MIPEP: variants seen among roughly 807,000 people sequenced by gnomAD.
MIPEP encodes the protein mitochondrial intermediate peptidase.
A neutral mutation model predicts 90.3 loss-of-function variants in MIPEP; 79 were observed. That is an observed-to-expected ratio of 0.87 (90% CI 0.73 to 1.05). The LOEUF (loss-of-function observed/expected upper bound fraction) is 1.05. Ranked by LOEUF, MIPEP falls within the 50% of genes least tolerant of loss-of-function variation. The pLI is 0.00. For synonymous variants in MIPEP, 334 were observed against 315.8 expected (o/e 1.06, Z -0.61); for missense variants, 940 against 905.6 (o/e 1.04, Z -0.49).
chr13:23,787,113 T>C (rs1754995492), intron 16 of MIPEP, among the ~76,000 whole-genome samples: 1 of 152,184 alleles, frequency 6.6e-6, no homozygotes, highest in Admixed American at 6.5e-5. Context: ...ACATGTTGTG[T>C]CTGACACACA....
At chr13:23,858,986 T>C in intron 9 of MIPEP, 74 bp from the exon 10 acceptor site, 1 of 1,224,448 alleles carries the variant, frequency 8.2e-7, no homozygotes. Context: ...GTGGCCAGCC[T>C]ATAGAATGTA....
intron 10 of MIPEP, 54 bp from the exon 11 acceptor site, chr13:23,841,542 G>C: frequency 6.6e-7 from 1 of 1,506,138 alleles, no homozygotes; most frequent in South Asian, 1.3e-5. Flanking sequence ...AATTTCTGAA[G>C]GTAAATTCAA....
intron 14 of MIPEP, among the ~76,000 whole-genome samples, chr13:23,811,193 G>A (rs1953167397): frequency 6.6e-6 from 1 of 152,130 alleles, no homozygotes; most frequent in South Asian, 2.1e-4. Flanking sequence ...ATTTTATATT[G>A]TTGACAGGAT....
chr13:23,872,159 G>A (rs1265320514), intron 5 of MIPEP, among the ~76,000 whole-genome samples: 1 of 152,188 alleles, frequency 6.6e-6, no homozygotes, highest in South Asian at 2.1e-4. Flanking sequence ...AGTTATATTT[G>A]TATGAGACCT....
chr13:23,774,712 C>T (rs1255382643), intron 16 of MIPEP, among the ~76,000 whole-genome samples: 1 of 150,236 alleles, frequency 6.7e-6, no homozygotes, highest in Admixed American at 6.6e-5. Context: ...TTGTTTATTG[C>T]TAGAATACAG....
chr13:23,883,165 G>A lies in MIPEP; in HGVS notation c.364-1378C>T, dbSNP rs529759363. Among the ~76,000 whole-genome samples, 30 of 151,890 alleles carry A rather than the reference G, an allele frequency of 2.0e-4. 2 individuals are homozygous for A. The highest frequency in any genetic ancestry group is 6.8e-3 in the Middle Eastern group (2 of 292). On this transcript the variant is annotated intron_variant, in intron 2 of 18. Coordinates refer to ENST00000382172, the MANE Select transcript of MIPEP (RefSeq NM_005932.4). ...GGTAATATCTTAAAAATTCAGAACA[G>A]AGAAAGGTTCTTTTATACCCAGAGA...
In MIPEP at chr13:23,806,078, A is replaced by G. The variant is rs1403989307; in HGVS notation, c.1729-9T>C. 6.2e-7 allele frequency: 1 copy of G among 1,613,498 alleles called. No homozygotes were observed. Among genetic ancestry groups the G allele is most frequent in the Non-Finnish European group, 8.5e-7 (1 of 1,179,824 alleles). On this transcript the variant is annotated splice_polypyrimidine_tract_variant and intron_variant, in intron 15 of 18. Transcript: ENST00000382172. ...AGAGTGGCATAAAAGACCTAGATAG[A>G]TAAAAACATCTACTTAGTTTTGGTC...
intron 14 of MIPEP, among the ~76,000 whole-genome samples, chr13:23,810,434 G>T (rs1207157388): frequency 3.3e-5 from 5 of 152,192 alleles, no homozygotes; most frequent in Admixed American, 2.6e-4. Flanking sequence ...GAATCTGAAA[G>T]AACTGTAGAG....
At chr13:23,793,498 T>C (rs1188875448) in intron 16 of MIPEP, among the ~76,000 whole-genome samples, 1 of 152,130 alleles carries the variant, frequency 6.6e-6, no homozygotes, top group Non-Finnish European at 1.5e-5. Flanking sequence ...GAGCTATAAA[T>C]TAAGATTTGT....
intron 10 of MIPEP, among the ~76,000 whole-genome samples, chr13:23,848,608 C>G (rs1157687387): frequency 6.6e-6 from 1 of 152,070 alleles, no homozygotes; most frequent in Non-Finnish European, 1.5e-5. Flanking sequence ...ATGGGAGGAA[C>G]AGAGAGAACT....
intron 16 of MIPEP, among the ~76,000 whole-genome samples, chr13:23,761,995 C>A (rs545098650): frequency 2.0e-5 from 3 of 152,184 alleles, no homozygotes; most frequent in African/African-American, 7.2e-5. Flanking sequence ...CGTGGCGGCA[C>A]AAGTCTGTAA....
intron 16 of MIPEP, among the ~76,000 whole-genome samples, chr13:23,790,416 G>T (rs190644874): frequency 6.6e-6 from 1 of 152,214 alleles, no homozygotes; most frequent in Admixed American, 6.5e-5. Flanking sequence ...CTCCAAAGAT[G>T]TCCACATCCT....
At position 23,783,220 on chromosome 13, in the gene MIPEP, G is replaced by A. The variant is rs541529465; in HGVS notation, c.1848+22730C>T. On this transcript the variant is annotated intron_variant, in intron 16 of 18. Transcript: ENST00000382172. ...CAAAAATCCTCAATACTGGCAAACTGAATCCAGCAGCACATCAAAAAGCTT... is the reference window on the plus strand; with the variant it reads ...CAAAAATCCTCAATACTGGCAAACTAAATCCAGCAGCACATCAAAAAGCTT... Among the ~76,000 whole-genome samples, 37 of 152,180 alleles carry A rather than the reference G, an allele frequency of 2.4e-4. 1 individual carries two copies. In the South Asian group the frequency reaches 7.3e-3, roughly 30 times the overall value.
intron 10 of MIPEP, among the ~76,000 whole-genome samples, chr13:23,848,745 A>G (rs1869668256): frequency 6.6e-6 from 1 of 152,176 alleles, no homozygotes; most frequent in African/African-American, 2.4e-5. Context: ...GGGGCAGACA[A>G]GCTCAAGCAA....
At chr13:23,796,923 T>A (rs1161549507) in intron 16 of MIPEP, among the ~76,000 whole-genome samples, 1 of 152,250 alleles carries the variant, frequency 6.6e-6, no homozygotes, top group Non-Finnish European at 1.5e-5. Context: ...CATTCACTAT[T>A]CTGTTACTTG....
rs183344833 is a variant in MIPEP at position 23,826,659 on chromosome 13, T to C, written c.1653+9581A>G. 7.7e-3 allele frequency among the ~76,000 whole-genome samples: 1,179 copies of C among 152,270 alleles called. 10 individuals carry two copies. The highest frequency in any genetic ancestry group is 0.026 in the African/African-American group (1,093 of 41,554). ...AACATTTCATCACATCATTTAATAT[T>C]TAAAGCATTAAAATTTAAATGCTTA... On this transcript the variant is annotated intron_variant, in intron 14 of 18. Transcript: ENST00000382172.
rs531395121 is a variant in MIPEP at position 23,876,656 on chromosome 13, CTT to C, written c.540-1749_540-1748del. On this transcript the variant is annotated intron_variant, in intron 4 of 18. Coordinates refer to ENST00000382172, the MANE Select transcript of MIPEP (RefSeq NM_005932.4). ...TCTTAACATAGATAATATATTAACTCTTTGTCATATCAGAACCATTTGTCAAC... is the reference window on the plus strand; with the variant it reads ...TCTTAACATAGATAATATATTAACTCTGTCATATCAGAACCATTTGTCAAC... 2.9e-3 allele frequency among the ~76,000 whole-genome samples: 448 copies of C among 152,026 alleles called. 5 individuals carry two copies. Among genetic ancestry groups the C allele is most frequent in the African/African-American group, 0.01 (428 of 41,490 alleles).
intron 14 of MIPEP, among the ~76,000 whole-genome samples, chr13:23,811,069 TGAAA>T (rs1953166167): frequency 6.6e-6 from 1 of 152,214 alleles, no homozygotes; most frequent in African/African-American, 2.4e-5. Context: ...TCATCTTGTA[TGAAA>T]GAAATACTTC....
intron 15 of MIPEP, among the ~76,000 whole-genome samples, chr13:23,807,180 A>G (rs922597648): frequency 6.6e-6 from 1 of 152,192 alleles, no homozygotes; most frequent in Admixed American, 6.5e-5. Context: ...TTGGACATGA[A>G]ATCTGCTGTT....
Sources: allele counts gnomAD v4.1 joint callset (sites outside exome capture counted in the v4.1 genomes callset), GRCh38; gene constraint gnomAD v4.1.1; transcripts MANE v1.5; gene names NCBI Gene and HGNC (gene_info 2026-07-23, HGNC 2026-07-21).